Variants in UNKL observed in about 807,000 individuals in gnomAD.
UNKL encodes putative E3 ubiquitin-protein ligase UNKL.
Under a neutral mutation model 78.0 loss-of-function variants are expected in UNKL, and 60 were observed. The observed-to-expected ratio is 0.77, with a 90% CI of 0.63 to 0.95. UNKL has a LOEUF of 0.95. UNKL is among the 40% of genes least tolerant of loss of function. The pLI, the probability that UNKL is intolerant of heterozygous loss-of-function variation, is 0.00. For missense variants in UNKL, 1,159 were observed against 1,045.7 expected (o/e 1.11, Z -1.49); for synonymous variants, 608 against 474.8 (o/e 1.28, Z -3.65).
chr16:1,368,377 T>C (rs1345053200), intron 12 of UNKL, among the ~76,000 whole-genome samples: 11 of 146,052 alleles, frequency 7.5e-5, no homozygotes, highest in Non-Finnish European at 1.4e-4. Context: ...CCGAGGCGGG[T>C]GGATCATGAG....
intron 8 of UNKL, among the ~76,000 whole-genome samples, chr16:1,391,215 G>A (rs948813718): frequency 2.5e-4 from 37 of 147,174 alleles, no homozygotes; most frequent in African/African-American, 7.7e-4. Context: ...TACCTATTCA[G>A]CAGTACTCTT....
chr16:1,394,364 C>A, intron 6 of UNKL, 149 bp from the exon 7 acceptor site: 1 of 929,536 alleles, frequency 1.1e-6, no homozygotes, highest in Non-Finnish European at 1.7e-6. Flanking sequence ...CCCTCCTCCA[C>A]GTGTGCCCTT....
At chr16:1,366,568 G>A (rs2035272734) in intron 14 of UNKL, among the ~76,000 whole-genome samples, 173 bp from the exon 15 acceptor site, 1 of 152,340 alleles carries the variant, frequency 6.6e-6, no homozygotes, top group South Asian at 2.1e-4. Flanking sequence ...GAAGGCAGCT[G>A]CGGGGTCAGG....
intron 2 of UNKL, among the ~76,000 whole-genome samples, chr16:1,412,536 C>G (rs2038086507): frequency 6.6e-6 from 1 of 152,194 alleles, no homozygotes; most frequent in Non-Finnish European, 1.5e-5. Context: ...TAAACCTGCA[C>G]AAGGCAGAGG....
intron 10 of UNKL, chr16:1,383,559 G>T (rs1349986748): frequency 5.8e-6 from 2 of 347,164 alleles, no homozygotes; most frequent in South Asian, 4.1e-5. Context: ...GCCGATGTGT[G>T]GTCTGTGGCC....
At chr16:1,370,838 C>T (rs1050799478) in intron 11 of UNKL, among the ~76,000 whole-genome samples, 7 of 152,248 alleles carry the variant, frequency 4.6e-5, no homozygotes, top group African/African-American at 1.7e-4. Flanking sequence ...AATCCCAGCA[C>T]TTTGGGAGGC....
Position 1,370,163 on chromosome 16 carries a change from G to C in UNKL, c.1552C>G (p.Leu518Val). Residue 518 changes from leucine to valine, a missense_variant, in exon 12 of 15, where the codon CTG becomes GTG. Leu to Val is a conservative substitution (Grantham distance 32, BLOSUM62 1). Coordinates refer to ENST00000389221, the MANE Select transcript of UNKL (RefSeq NM_001372107.1). ...PPPLRSEPGT[L>V]GSAASSYSPL... ...CTGTAGGATGAGGCTGCAGAGCCCA[G>C]TGTGCCCGGCTCTGAACGCAGGGGT... 5 of 1,516,072 alleles carry C rather than the reference G, an allele frequency of 3.3e-6. No homozygotes were observed. The highest frequency in any genetic ancestry group is 5.0e-5 in the East Asian group (2 of 40,384). The allele number at this position is 1,516,072 out of a possible 1,614,324, so 93.9% of individuals were successfully genotyped here.
At chr16:1,393,116 T>C (rs2037117196) in intron 7 of UNKL, 140 bp from the exon 8 acceptor site, 3 of 829,408 alleles carry the variant, frequency 3.6e-6, no homozygotes, top group Non-Finnish European at 5.9e-6. Context: ...AGAGGACGGC[T>C]GGGCAGTGGT....
At position 1,394,185 on chromosome 16, in the gene UNKL, G is replaced by T. The variant is rs997552404; in HGVS notation, c.883C>A (p.Arg295Ser). The change falls in exon 7 of 15, where the codon CGC becomes AGC. Residue 295 changes from arginine to serine, a missense_variant. Physicochemically the swap from Arg to Ser is moderately radical, Grantham distance 110. Transcript: ENST00000389221. ...CCGCGCGGGCAGTACCCGGTTTGGC[G>T]CATGTCGTTGCATTTTGTAGATTTG... ...IYKSTKCNDM[R>S]QTGYCPRGPF... The T allele has an allele frequency of 1.3e-6, 2 of 1,550,728 alleles. No homozygotes were observed.
chr16:1,376,073 T>A (rs952622176), intron 10 of UNKL, among the ~76,000 whole-genome samples: 1 of 151,436 alleles, frequency 6.6e-6, no homozygotes, highest in Non-Finnish European at 1.5e-5. Flanking sequence ...TCTTCCCTCC[T>A]CCCTCCAGGG....
At position 1,371,623 on chromosome 16, in the gene UNKL, GCCC is replaced by G. The variant is rs1481845195; in HGVS notation, c.1265-15_1265-13del. The G allele has an allele frequency of 3.3e-6, 5 of 1,535,778 alleles. No individual in the cohort carries two copies. Among genetic ancestry groups the G allele is most frequent in the Non-Finnish European group, 4.4e-6 (5 of 1,146,656 alleles). ...GTCTAACGCAGAACCTGTCAACAGAGCCCCCCATCATCCACAGCCCACCCAGCG... is the reference window on the plus strand; with the variant it reads ...GTCTAACGCAGAACCTGTCAACAGAGCCCATCATCCACAGCCCACCCAGCG... On this transcript the variant is annotated splice_polypyrimidine_tract_variant and intron_variant, in intron 10 of 14. Transcript: ENST00000389221.
At chr16:1,398,824 C>T in intron 5 of UNKL, 1 of 1,557,296 alleles carries the variant, frequency 6.4e-7, no homozygotes, top group Non-Finnish European at 8.7e-7. Flanking sequence ...CAAGCCAGAC[C>T]CAGGGGACAG....
rs769883839 is a variant in UNKL, at chr16:1,367,127, T to G, written c.2011A>C (p.Ser671Arg). The change falls in exon 14 of 15, where the codon AGT (serine) becomes CGT (arginine). Residue 671 changes from serine (S) to arginine (R), a missense_variant. Transcript: ENST00000389221. ...IPLPKLHSLQ[S>R]QLRLDLEAVD... Reference sequence around the variant, plus strand: ...GCCTCCAGGTCCAGGCGCAGCTGACTCTGCAGCGAGTGCAGCTTCGGCAGG... The same window carrying G: ...GCCTCCAGGTCCAGGCGCAGCTGACGCTGCAGCGAGTGCAGCTTCGGCAGG... 1.3e-6 allele frequency: 2 copies of G among 1,592,382 alleles called. No individual in the cohort carries two copies. The highest frequency in any genetic ancestry group is 2.3e-5 in the South Asian group (2 of 87,650).
chr16:1,374,697 C>T (rs1253327865), intron 10 of UNKL, among the ~76,000 whole-genome samples: 1 of 152,162 alleles, frequency 6.6e-6, no homozygotes, highest in Admixed American at 6.5e-5. Context: ...CAGCAGGGAG[C>T]TGGCTGAGCC....
Position 1,366,342 on chromosome 16 carries a change from G to T in UNKL, c.2100C>A (p.His700Gln), listed in dbSNP as rs376005241. The change falls in exon 15 of 15, where the codon CAC (histidine) becomes CAA (glutamine). Residue 700 changes from histidine to glutamine, a missense_variant. His to Gln is a conservative substitution (Grantham distance 24). Coordinates refer to ENST00000389221, the MANE Select transcript of UNKL (RefSeq NM_001372107.1). ...KQCVACRERA[H>Q]GAVLRPCQHH... ...GCTGACAGGGCCGCAGGACAGCACCGTGGGCCCGCTCCCGGCAGGCCACAC... is the reference window on the plus strand; with the variant it reads ...GCTGACAGGGCCGCAGGACAGCACCTTGGGCCCGCTCCCGGCAGGCCACAC... 2.5e-6 allele frequency: 4 copies of T among 1,604,584 alleles called. No individual in the cohort carries two copies. In the African/African-American group the frequency reaches 5.3e-5, roughly 21 times the overall value.
At chr16:1,367,403 A>AC in intron 13 of UNKL, 54 bp from the exon 14 acceptor site, 3 of 1,480,062 alleles carry the variant, frequency 2.0e-6, no homozygotes, top group South Asian at 1.3e-5. Context: ...CCACCTGCAG[A>AC]CCCTCTTGCC....
chr16:1,413,710 T>G, intron 2 of UNKL, 136 bp downstream of exon 2: 1 of 995,708 alleles, frequency 1.0e-6, no homozygotes, highest in Non-Finnish European at 1.4e-6. Flanking sequence ...ACTAGAAAAT[T>G]TCAGCGTATA....
At chr16:1,404,210 G>GTT (rs2037652068) in intron 2 of UNKL, among the ~76,000 whole-genome samples, 1 of 152,212 alleles carries the variant, frequency 6.6e-6, no homozygotes, top group Non-Finnish European at 1.5e-5. Flanking sequence ...CAAGGGCCAA[G>GTT]GCAGAGGATG....
At chr16:1,374,412 T>C (rs2036055324) in intron 10 of UNKL, among the ~76,000 whole-genome samples, 1 of 152,100 alleles carries the variant, frequency 6.6e-6, no homozygotes, top group South Asian at 2.1e-4. Context: ...TGCCTGTCCC[T>C]GAAGGGCCCT....
Sources: allele counts gnomAD v4.1 joint callset (sites outside exome capture counted in the v4.1 genomes callset), GRCh38; gene constraint gnomAD v4.1.1; transcripts MANE v1.5; gene names NCBI Gene and HGNC (gene_info 2026-07-23, HGNC 2026-07-21).